Variants in SLC1A7 observed in about 807,000 individuals in gnomAD.
The protein encoded by SLC1A7 is excitatory amino acid transporter 5.
SLC1A7 carries 40 observed loss-of-function variants against 47.7 expected under a neutral mutation model. The ratio of observed to expected loss-of-function variants is 0.84; its 90% confidence interval spans 0.65 to 1.09. The LOEUF (loss-of-function observed/expected upper bound fraction) is 1.09. SLC1A7 is among the 50% of genes least tolerant of loss of function. The pLI is 0.00. For synonymous variants in SLC1A7, 323 were observed against 325.6 expected, an observed-to-expected ratio of 0.99 and a Z score of 0.09; for missense variants, 746 against 769.5, an observed-to-expected ratio of 0.97 and a Z score of 0.36.
rs376425151 is a variant in SLC1A7 at position 53,088,941 on chromosome 1, G to A, written c.1400C>T (p.Ala467Val). ...ATGGGCCATGATCCCCGCTGCCAGC[G>A]CATCACCCAGCACGTTAATCATGGT... ...FRTMINVLGD[A>V]LAAGIMAHIC... is the part of the protein sequence containing the mutation. The change falls in exon 10 of 11, where the codon GCG (alanine) becomes GTG (valine). Residue 467 changes from alanine (A) to valine (V), a missense_variant. By Grantham distance (64) the Ala-to-Val change is moderately conservative. Coordinates refer to ENST00000371494, the MANE Select transcript of SLC1A7 (RefSeq NM_006671.6). The A allele has an allele frequency of 1.1e-5, 17 of 1,613,934 alleles. No homozygotes were observed. Among genetic ancestry groups the A allele is most frequent in the South Asian group, 5.5e-5 (5 of 91,074 alleles).
intron 3 of SLC1A7, chr1:53,108,311 C>G (rs1423826311): frequency 4.7e-6 from 2 of 429,158 alleles, no homozygotes; most frequent in Non-Finnish European, 8.4e-6. Context: ...CATTTGGAAG[C>G]TCGTAAGAAG....
rs140939638 is a variant in SLC1A7 at position 53,134,205 on chromosome 1, G to A, written c.215+145C>T. ...AATGACTCAGAAGCCGGCAGCCCAC[G>A]GCACTGCCCATAAAGGCCCCACGGT... On this transcript the variant is annotated intron_variant, in intron 2 of 10. Coordinates refer to ENST00000371494, the MANE Select transcript of SLC1A7 (RefSeq NM_006671.6). 855 of 566,674 alleles carry A rather than the reference G, an allele frequency of 1.5e-3. 9 individuals are homozygous for A. The highest frequency in any genetic ancestry group is 0.014 in the African/African-American group (731 of 53,488). The allele number at this position is 566,674 out of a possible 1,614,324, so 35.1% of individuals were successfully genotyped here. A position where few individuals can be genotyped will look rare whatever the true frequency, so the allele number is the denominator to read the frequency against.
rs1055030985 is a variant in SLC1A7, at chr1:53,129,424, C to T, written c.215+4926G>A. ...CTGTAGCCTTTGCAGATTTCAACCACCCCCGCCCATGCTTCCTGCTCCCCC... is the reference window on the plus strand; with the variant it reads ...CTGTAGCCTTTGCAGATTTCAACCATCCCCGCCCATGCTTCCTGCTCCCCC... On this transcript the variant is annotated intron_variant, in intron 2 of 10. Transcript: ENST00000371494. 6.5e-4 allele frequency among the ~76,000 whole-genome samples: 99 copies of T among 152,196 alleles called. 2 individuals carry two copies. Among genetic ancestry groups the T allele is most frequent in the African/African-American group, 2.2e-3 (90 of 41,488 alleles).
intron 2 of SLC1A7, among the ~76,000 whole-genome samples, chr1:53,130,063 G>A (rs1015304687): frequency 2.0e-5 from 3 of 152,304 alleles, no homozygotes; most frequent in Admixed American, 6.5e-5. Flanking sequence ...GTCCCCCATT[G>A]TGTGGCATGC....
intron 6 of SLC1A7, 52 bp downstream of exon 6, chr1:53,093,409 C>T (rs1644447405): frequency 7.1e-7 from 1 of 1,404,960 alleles, no homozygotes; most frequent in South Asian, 1.2e-5. Context: ...CTTGTCTTCC[C>T]TCCATCCACC....
In SLC1A7 at chr1:53,114,972, A is replaced by G. The variant is rs529397062; in HGVS notation, c.217T>C (p.Leu73=). 1.2e-6 allele frequency: 2 copies of G among 1,612,910 alleles called. No homozygotes were observed. The highest frequency in any genetic ancestry group is 2.7e-5 in the African/African-American group (2 of 75,028). Residue 73 remains leucine, a splice_region_variant and synonymous_variant, in exon 3 of 11, where the codon TTG becomes CTG. Coordinates refer to ENST00000371494, the MANE Select transcript of SLC1A7 (RefSeq NM_006671.6). ...TCCAGGGAGGCAAGTCCGGACATCAAGCTGGGAGGGCGAGGGGGTCAGGGG... is the reference window on the plus strand; with the variant it reads ...TCCAGGGAGGCAAGTCCGGACATCAGGCTGGGAGGGCGAGGGGGTCAGGGG... ...MMILPLVVSS[L]MSGLASLDAK... is the part of the protein sequence containing the mutation.
chr1:53,138,957 C>T (rs114860687), intron 1 of SLC1A7, among the ~76,000 whole-genome samples: 29 of 152,298 alleles, frequency 1.9e-4, no homozygotes, highest in African/African-American at 7.0e-4. Flanking sequence ...AGGAGATTTA[C>T]AAAGCTTCCT....
At chr1:53,123,317 T>TCC (rs1557685393) in intron 2 of SLC1A7, among the ~76,000 whole-genome samples, 2 of 152,010 alleles carry the variant, frequency 1.3e-5, no homozygotes, top group Non-Finnish European at 2.9e-5. Context: ...GCCCCTGGAG[T>TCC]CTGCCCCGCA....
At chr1:53,101,199 G>A (rs1010049197) in intron 5 of SLC1A7, among the ~76,000 whole-genome samples, 11 of 126,002 alleles carry the variant, frequency 8.7e-5, no homozygotes, top group African/African-American at 1.9e-4. Flanking sequence ...AATCGTCTTG[G>A]TACTCTCACA....
chr1:53,136,566 TAAACATATATAATATATAAACATATATA>T (rs1644998036), intron 1 of SLC1A7, among the ~76,000 whole-genome samples: 2 of 113,610 alleles, frequency 1.8e-5, no homozygotes, highest in Admixed American at 9.5e-5. Flanking sequence ...AACATATATA[TAAACATATATAATATATAAACATATATA>T]ATATATAAAC....
At chr1:53,127,989 G>A (rs950340410) in intron 2 of SLC1A7, among the ~76,000 whole-genome samples, 3 of 152,230 alleles carry the variant, frequency 2.0e-5, no homozygotes, top group Admixed American at 6.5e-5. Flanking sequence ...CAACCATGAA[G>A]TGTGTTTATG....
chr1:53,134,836 A>G (rs947534064), intron 1 of SLC1A7, among the ~76,000 whole-genome samples: 1 of 152,176 alleles, frequency 6.6e-6, no homozygotes, highest in Non-Finnish European at 1.5e-5. Context: ...ATAAAATGTA[A>G]TTCATAAATT....
intron 1 of SLC1A7, among the ~76,000 whole-genome samples, chr1:53,134,687 A>C (rs1644973582): frequency 6.6e-6 from 1 of 152,144 alleles, no homozygotes; most frequent in African/African-American, 2.4e-5. Flanking sequence ...TATTTTTCTC[A>C]TCTGTAACAT....
rs1163945886 is a variant in SLC1A7, at chr1:53,114,848, A to G, written c.341T>C (p.Ile114Thr). The G allele has an allele frequency of 4.3e-6, 7 of 1,614,050 alleles. No homozygotes were observed. The highest frequency in any genetic ancestry group is 5.1e-6 in the Non-Finnish European group (6 of 1,180,026). ...VIVGIFMVSI[I>T]HPGSAAQKET... Reference sequence around the variant, plus strand: ...CTTCTGGGCCGCGCTGCCTGGGTGGATGATGGAGACCATGAAGATGCCCAC... The same window carrying G: ...CTTCTGGGCCGCGCTGCCTGGGTGGGTGATGGAGACCATGAAGATGCCCAC... Residue 114 changes from isoleucine (I) to threonine (T), a missense_variant, in exon 3 of 11, where the codon ATC becomes ACC. Ile to Thr is a moderately conservative substitution (Grantham distance 89). Transcript: ENST00000371494.
intron 2 of SLC1A7, among the ~76,000 whole-genome samples, chr1:53,116,767 G>A (rs1261977306): frequency 6.6e-6 from 1 of 152,242 alleles, no homozygotes; most frequent in Non-Finnish European, 1.5e-5. Context: ...AGGTCACACA[G>A]GACAGCAGTG....
intron 2 of SLC1A7, among the ~76,000 whole-genome samples, chr1:53,123,489 C>G (rs940638432): frequency 1.3e-5 from 2 of 152,226 alleles, no homozygotes; most frequent in African/African-American, 4.8e-5. Flanking sequence ...TGCTGTGGGG[C>G]TCAGAAGGGA....
At chr1:53,105,007 C>T (rs2150326211) in intron 4 of SLC1A7, among the ~76,000 whole-genome samples, 1 of 152,174 alleles carries the variant, frequency 6.6e-6, no homozygotes, top group East Asian at 1.9e-4. Flanking sequence ...TACCACTAAA[C>T]ATTGTACTTT....
intron 3 of SLC1A7, among the ~76,000 whole-genome samples, chr1:53,107,229 A>C (rs1644654114): frequency 6.6e-6 from 1 of 151,790 alleles, no homozygotes; most frequent in Admixed American, 6.6e-5. Flanking sequence ...AGATCTTATC[A>C]TGTCTCAGTA....
At chr1:53,115,708 A>C (rs1644752205) in intron 2 of SLC1A7, 1 of 152,348 alleles carries the variant, frequency 6.6e-6, no homozygotes, top group Non-Finnish European at 1.5e-5. Context: ...CATCTGTAAA[A>C]TGGGGACATC....
Sources: gnomAD v4.1 joint callset for allele counts (sites outside exome capture counted in the v4.1 genomes callset) on GRCh38, gnomAD v4.1.1 for gene constraint, MANE v1.5 for transcripts, NCBI Gene and HGNC (gene_info 2026-07-23, HGNC 2026-07-21) for gene names.